TMA16: variants seen among roughly 807,000 people sequenced by gnomAD.
The protein encoded by TMA16 is translation machinery associated 16 homolog, also known as translation machinery-associated protein 16.
Under a neutral mutation model 27.1 loss-of-function variants are expected in TMA16, and 26 were observed. The ratio of observed to expected loss-of-function variants is 0.96; its 90% CI spans 0.70 to 1.33. TMA16 has a LOEUF of 1.33. Ranked by LOEUF, TMA16 falls within the 40% of genes most tolerant of loss-of-function variation. The pLI is 0.00. For missense variants in TMA16, 233 were observed against 241.4 expected, an observed-to-expected ratio of 0.97 and a Z score of 0.23; for synonymous variants, 71 against 81.9, an observed-to-expected ratio of 0.87 and a Z score of 0.72.
At chr4:163,519,279 C>T in intron 6 of TMA16, 55 bp from the exon 7 acceptor site, 1 of 1,441,662 alleles carries the variant, frequency 6.9e-7, no homozygotes, top group Non-Finnish European at 9.1e-7. Flanking sequence ...TCCTGTTTTT[C>T]CACATTAACT....
intron 2 of TMA16, among the ~76,000 whole-genome samples, chr4:163,509,216 G>A (rs1362184175): frequency 1.3e-5 from 2 of 152,072 alleles, no homozygotes; most frequent in Admixed American, 6.5e-5. Flanking sequence ...ATGGGAATGT[G>A]GTCACAAAAG....
At position 163,520,094 on chromosome 4, in the gene TMA16, T is replaced by C. The variant is rs193212177; in HGVS notation, c.*580T>C. 9 of 535,074 alleles carry C rather than the reference T, an allele frequency of 1.7e-5. No individual in the cohort carries two copies. The highest frequency in any genetic ancestry group is 1.4e-4 in the East Asian group (4 of 28,614). The allele number at this position is 535,074 out of a possible 1,614,324, so 33.1% of individuals were successfully genotyped here. On this transcript the variant is annotated 3_prime_UTR_variant, in exon 7 of 7. Transcript: ENST00000358572. ...GAAAAAAAATCAGTGATGATTGTTATGTTGATCTCCCACAATTAATTTATC... is the reference window on the plus strand; with the variant it reads ...GAAAAAAAATCAGTGATGATTGTTACGTTGATCTCCCACAATTAATTTATC...
intron 2 of TMA16, among the ~76,000 whole-genome samples, chr4:163,508,468 T>C (rs1737747710): frequency 6.6e-6 from 1 of 152,138 alleles, no homozygotes; most frequent in Admixed American, 6.6e-5. Flanking sequence ...TTTTCTCTCT[T>C]AAAATCAAAT....
At chr4:163,513,412 TTGTACAG>T (rs1312255958) in intron 3 of TMA16, among the ~76,000 whole-genome samples, 3 of 152,336 alleles carry the variant, frequency 2.0e-5, no homozygotes, top group Middle Eastern at 3.4e-3. Context: ...TGGGATCTCA[TTGTACAG>T]GGCCGGGTGA....
chr4:163,512,754 GTTA>G, intron 2 of TMA16, 65 bp from the exon 3 acceptor site: 1 of 1,226,006 alleles, frequency 8.2e-7, no homozygotes. Context: ...TCTTTTCGTT[GTTA>G]TTGTCAGAGT....
At chr4:163,508,436 C>T (rs751935693) in intron 2 of TMA16, among the ~76,000 whole-genome samples, 1 of 152,012 alleles carries the variant, frequency 6.6e-6, no homozygotes, top group Non-Finnish European at 1.5e-5. Flanking sequence ...CCTTAAGTAC[C>T]ATTTTTTAAA....
At chr4:163,519,203 A>G in intron 6 of TMA16, 131 bp from the exon 7 acceptor site, 1 of 753,990 alleles carries the variant, frequency 1.3e-6, no homozygotes, top group Non-Finnish European at 2.0e-6. Context: ...TGTGCCTAAT[A>G]TTTTCCTTTA....
chr4:163,513,954 T>C, intron 3 of TMA16, 120 bp from the exon 4 acceptor site: 1 of 630,126 alleles, frequency 1.6e-6, no homozygotes, highest in Non-Finnish European at 2.6e-6. Flanking sequence ...GCTTTATGTT[T>C]AACATTGACA....
intron 4 of TMA16, 47 bp from the exon 5 acceptor site, chr4:163,515,266 A>G: frequency 6.4e-7 from 1 of 1,552,600 alleles, no homozygotes; most frequent in Non-Finnish European, 8.7e-7. Flanking sequence ...ATGTAAGCCC[A>G]ATACATATAC....
chr4:163,501,245 TATTA>T (rs771042734), intron 1 of TMA16, among the ~76,000 whole-genome samples: 1 of 152,224 alleles, frequency 6.6e-6, no homozygotes, highest in Non-Finnish European at 1.5e-5. Context: ...CTTAGTGACA[TATTA>T]ATTTCCTGTG....
At chr4:163,517,565 C>T (rs1737900730) in intron 6 of TMA16, 89 bp downstream of exon 6, 3 of 1,232,674 alleles carry the variant, frequency 2.4e-6, no homozygotes, top group African/African-American at 1.6e-5. Context: ...GCCGGTAGAA[C>T]TAAAAGAAAA....
intron 1 of TMA16, among the ~76,000 whole-genome samples, chr4:163,505,870 G>T (rs552851828): frequency 6.6e-6 from 1 of 152,296 alleles, no homozygotes; most frequent in East Asian, 1.9e-4. Context: ...AGATTCTGAG[G>T]ATTGAATTAA....
intron 4 of TMA16, among the ~76,000 whole-genome samples, 163 bp downstream of exon 4, chr4:163,514,321 T>C (rs1190112720): frequency 6.6e-6 from 1 of 152,136 alleles, no homozygotes; most frequent in East Asian, 1.9e-4. Flanking sequence ...TTGTAACCTA[T>C]TTGGGTCTCA....
At position 163,512,878 on chromosome 4, in the gene TMA16, T is replaced by C. The variant is rs770697399; in HGVS notation, c.154+19T>C. ...CTTGTTGGTAAGTGGGTTTACTTAT[T>C]TGAAACTCTGGCTAGAGTATAGGGC... On this transcript the variant is annotated intron_variant, in intron 3 of 6. Coordinates refer to ENST00000358572, the MANE Select transcript of TMA16 (RefSeq NM_018352.3). 28 of 1,600,436 alleles carry C rather than the reference T, an allele frequency of 1.7e-5. No homozygotes were observed. The highest frequency in any genetic ancestry group is 2.4e-5 in the Non-Finnish European group (28 of 1,171,008).
intron 2 of TMA16, among the ~76,000 whole-genome samples, chr4:163,510,713 G>A (rs1352472279): frequency 6.6e-6 from 1 of 152,118 alleles, no homozygotes; most frequent in Non-Finnish European, 1.5e-5. Context: ...GCAAGCTAAG[G>A]CATTAGCCAC....
Position 163,519,613 on chromosome 4 carries a change from C to T in TMA16, c.*99C>T. 2.6e-6 allele frequency: 3 copies of T among 1,158,394 alleles called. No homozygotes were observed. Among genetic ancestry groups the T allele is most frequent in the Non-Finnish European group, 3.6e-6 (3 of 841,592 alleles). The allele number at this position is 1,158,394 out of a possible 1,614,324, so 71.8% of individuals were successfully genotyped here. On this transcript the variant is annotated 3_prime_UTR_variant, in exon 7 of 7. Transcript: ENST00000358572. ...TCATGATACAAAAATTTGATACTGA[C>T]ATTCTCTTATATGATGAGAGTTTCA...
Position 163,519,709 on chromosome 4 carries a change from C to A in TMA16, c.*195C>A. Reference sequence around the variant, plus strand: ...ATTGCTTTTCATTTCCATTAAGTTGCTAAAATAGATAGATGTGATCTGCAG... The same window carrying A: ...ATTGCTTTTCATTTCCATTAAGTTGATAAAATAGATAGATGTGATCTGCAG... On this transcript the variant is annotated 3_prime_UTR_variant, in exon 7 of 7. Coordinates refer to ENST00000358572, the MANE Select transcript of TMA16 (RefSeq NM_018352.3). 1.7e-6 allele frequency: 1 copy of A among 587,862 alleles called. No homozygotes were observed. Among genetic ancestry groups the A allele is most frequent in the Non-Finnish European group, 2.8e-6 (1 of 351,128 alleles). The allele number at this position is 587,862 out of a possible 1,614,324, so 36.4% of individuals were successfully genotyped here.
At chr4:163,506,435 C>CTA (rs1737719325) in intron 1 of TMA16, among the ~76,000 whole-genome samples, 1 of 152,162 alleles carries the variant, frequency 6.6e-6, no homozygotes, top group African/African-American at 2.4e-5. Context: ...CCTGAGATGT[C>CTA]TAGTTTGGAG....
chr4:163,513,983 TA>T, intron 3 of TMA16, 90 bp from the exon 4 acceptor site: 1 of 1,026,808 alleles, frequency 9.7e-7, no homozygotes, highest in South Asian at 1.9e-5. Flanking sequence ...GGTTCTGTTT[TA>T]AACACGTTAA....
Sources: gnomAD v4.1 joint callset for allele counts (sites outside exome capture counted in the v4.1 genomes callset) on GRCh38, gnomAD v4.1.1 for gene constraint, MANE v1.5 for transcripts, NCBI Gene and HGNC (gene_info 2026-07-23, HGNC 2026-07-21) for gene names.